Variants in OCIAD1 observed in about 807,000 individuals in gnomAD.
OCIAD1 encodes the protein OCIA domain containing 1.
In OCIAD1, 29 loss-of-function variants were observed where a neutral mutation model predicts 38.9. The ratio of observed to expected loss-of-function variants is 0.74; its 90% CI spans 0.55 to 1.02. The LOEUF (loss-of-function observed/expected upper bound fraction) is 1.02. OCIAD1 is among the 50% of genes least tolerant of loss of function. The pLI is 0.00. For synonymous variants in OCIAD1, 110 were observed against 92.0 expected (o/e 1.20, Z -1.12); for missense variants, 288 against 289.6 (o/e 0.99, Z 0.04).
At chr4:48,805,191 G>A (rs1560404816), upstream of OCIAD1, 1 of 152,120 alleles carries the variant, frequency 6.6e-6, no homozygotes, top group Non-Finnish European at 1.5e-5. Flanking sequence ...TGATCATGAG[G>A]ACACTCAACC....
intron 4 of OCIAD1, 100 bp from the exon 5 acceptor site, chr4:48,848,299 T>G (rs1053539667): frequency 2.7e-5 from 16 of 601,696 alleles, no homozygotes; most frequent in South Asian, 2.0e-4. Context: ...TGTAGGATCA[T>G]GGAAGGAGCT....
At chr4:48,805,432 C>A (rs1363420394) in intron 1 of OCIAD1, 1 of 152,192 alleles carries the variant, frequency 6.6e-6, no homozygotes, top group Non-Finnish European at 1.5e-5. Context: ...GCTGCTAAAT[C>A]TTGGAATATT....
At chr4:48,832,727 A>G (rs747483445) in intron 2 of OCIAD1, 45 bp downstream of exon 2, 8 of 1,457,668 alleles carry the variant, frequency 5.5e-6, no homozygotes, top group Non-Finnish European at 3.9e-6. Context: ...CTTCCTATGT[A>G]AAGGAATTTT....
chr4:48,840,865 A>G (rs1778459960), intron 3 of OCIAD1, among the ~76,000 whole-genome samples: 2 of 151,868 alleles, frequency 1.3e-5, no homozygotes, highest in South Asian at 2.1e-4. Flanking sequence ...AAAAGACAAA[A>G]AATTAGCCAG....
chr4:48,833,331 C>T (rs1301988267), intron 2 of OCIAD1, 70 bp from the exon 3 acceptor site: 1 of 906,332 alleles, frequency 1.1e-6, no homozygotes, highest in African/African-American at 1.7e-5. Context: ...AATGTTTAGG[C>T]TAAGATAATT....
chr4:48,831,554 T>C, intron 1 of OCIAD1: 1 of 1,290,670 alleles, frequency 7.7e-7, no homozygotes, highest in Non-Finnish European at 1.0e-6. Flanking sequence ...TGTAGGCCGC[T>C]TAGGCTTTAA....
chr4:48,828,815 G>A (rs143586737), upstream of OCIAD1, among the ~76,000 whole-genome samples: 253 of 152,314 alleles, frequency 1.7e-3, 1 homozygote, highest in African/African-American at 5.4e-3. Flanking sequence ...AACGCTCACC[G>A]TGAGGGTCCG....
rs1332007806 is a variant in OCIAD1 at position 48,850,078 on chromosome 4, C to T, written c.373C>T (p.Pro125Ser). The change falls in exon 6 of 9, where the codon CCT becomes TCT. Residue 125 changes from proline to serine, a missense_variant. Coordinates refer to ENST00000264312, the MANE Select transcript of OCIAD1 (RefSeq NM_017830.4). ...AGGACAAGCACGACGATCTTCACCA[C>T]CTGGGTAGGCCAGATTCTGATCTTT... The part of the protein sequence containing the change: ...RSGQARRSSP[P>S]GHYYQKSKYD... 4 of 1,610,596 alleles carry T rather than the reference C, an allele frequency of 2.5e-6. No individual in the cohort carries two copies. The East Asian group carries it at 8.9e-5, about 36-fold the overall frequency.
chr4:48,830,944 G>C (rs1461050727), upstream of OCIAD1: 1 of 156,960 alleles, frequency 6.4e-6, no homozygotes, highest in East Asian at 1.9e-4. Context: ...TCGCAGTGCG[G>C]CTCGTGGCCG....
chr4:48,852,903 A>T (rs1269592343), intron 7 of OCIAD1, among the ~76,000 whole-genome samples: 24 of 36,246 alleles, frequency 6.6e-4, no homozygotes, highest in African/African-American at 4.7e-3. Context: ...TTTTTTTGAG[A>T]TGGAGTCTTG....
At chr4:48,827,764 G>A (rs1181413889), upstream of OCIAD1, among the ~76,000 whole-genome samples, 2 of 152,252 alleles carry the variant, frequency 1.3e-5, no homozygotes, top group African/African-American at 4.8e-5. Context: ...ATGTGCTATT[G>A]CAGGCACGTG....
intron 5 of OCIAD1, among the ~76,000 whole-genome samples, chr4:48,848,858 T>C (rs1262634273): frequency 5.9e-5 from 9 of 152,192 alleles, no homozygotes; most frequent in Non-Finnish European, 4.4e-5. Flanking sequence ...GCATAACTTA[T>C]TTACACATTG....
chr4:48,837,372 A>C lies in OCIAD1; in HGVS notation c.139+3891A>C, dbSNP rs1301563277. The C allele has an allele frequency of 2.0e-5, 3 of 148,470 alleles. No individual in the cohort carries two copies. In the East Asian group the frequency reaches 5.9e-4, roughly 29 times the overall value. 9.2% of individuals were successfully genotyped at this position (148,470 alleles called of 1,614,324 possible). A position where few individuals can be genotyped will look rare whatever the true frequency, so the allele number is the denominator to read the frequency against. On this transcript the variant is annotated intron_variant, in intron 3 of 8. Transcript: ENST00000264312. ...CAATGGCACAGTCTTGGCTCACTGCAACCCCTGCCTCCTGGGTTCAAGCAA... is the reference window on the plus strand; with the variant it reads ...CAATGGCACAGTCTTGGCTCACTGCCACCCCTGCCTCCTGGGTTCAAGCAA...
intron 1 of OCIAD1, among the ~76,000 whole-genome samples, chr4:48,807,080 A>G (rs1039988230): frequency 6.6e-6 from 1 of 151,874 alleles, no homozygotes; most frequent in Non-Finnish European, 1.5e-5. Context: ...ATATTTTTCA[A>G]TTTTTTTGTA....
chr4:48,819,953 G>C (rs1777178064), intron 1 of OCIAD1, among the ~76,000 whole-genome samples: 1 of 152,032 alleles, frequency 6.6e-6, no homozygotes, highest in Admixed American at 6.6e-5. Context: ...ATAATAATGG[G>C]AGACTTTAAC....
intron 3 of OCIAD1, among the ~76,000 whole-genome samples, chr4:48,839,734 G>A (rs1395550157): frequency 2.6e-5 from 4 of 152,198 alleles, no homozygotes; most frequent in African/African-American, 9.7e-5. Context: ...TGTGAGGGGA[G>A]AAGAGTTCAA....
intron 1 of OCIAD1, among the ~76,000 whole-genome samples, chr4:48,824,320 T>C (rs971172075): frequency 1.3e-5 from 2 of 152,122 alleles, no homozygotes; most frequent in South Asian, 2.1e-4. Context: ...AAATTTTGAA[T>C]GCAATAACCA....
At position 48,850,763 on chromosome 4, in the gene OCIAD1, C is replaced by T. The variant is rs183625719; in HGVS notation, c.377+681C>T. Among the ~76,000 whole-genome samples the T allele has an allele frequency of 1.5e-3, 229 of 152,158 alleles. 1 individual carries two copies. The highest frequency in any genetic ancestry group is 5.3e-3 in the African/African-American group (221 of 41,524). On this transcript the variant is annotated intron_variant, in intron 6 of 8. Coordinates refer to ENST00000264312, the MANE Select transcript of OCIAD1 (RefSeq NM_017830.4). ...TAATTTTTTGTATTTTTTGAAGAGACAGGGTTTTACTGTGTTTACCAGGCT... is the reference window on the plus strand; with the variant it reads ...TAATTTTTTGTATTTTTTGAAGAGATAGGGTTTTACTGTGTTTACCAGGCT...
chr4:48,836,291 A>T (rs1287342311), intron 3 of OCIAD1, among the ~76,000 whole-genome samples: 1 of 152,196 alleles, frequency 6.6e-6, no homozygotes, highest in South Asian at 2.1e-4. Context: ...AGGATTTTTT[A>T]AAAAGTTCGA....
Sources: allele counts gnomAD v4.1 joint callset (sites outside exome capture counted in the v4.1 genomes callset), GRCh38; gene constraint gnomAD v4.1.1; transcripts MANE v1.5; gene names NCBI Gene and HGNC (gene_info 2026-07-23, HGNC 2026-07-21).